SGCZ: variants seen among roughly 807,000 people sequenced by gnomAD.
SGCZ encodes zeta-sarcoglycan.
SGCZ carries 40 observed loss-of-function variants against 41.3 expected under a neutral mutation model. The observed-to-expected ratio is 0.97, with a 90% CI of 0.75 to 1.26. The LOEUF (loss-of-function observed/expected upper bound fraction) is 1.26, where lower values mean the gene tolerates loss of function less well. SGCZ is among the 50% of genes most tolerant of loss of function. The probability of loss-of-function intolerance (pLI) is 0.00; values close to 1 mark genes in which losing one functional copy is unlikely to be tolerated. For missense variants in SGCZ, 552 were observed against 369.8 expected (o/e 1.49, Z -4.04); for synonymous variants, 206 against 137.5 (o/e 1.50, Z -3.49).
chr8:15,189,803 C>T (rs530122), intron 1 of SGCZ, among the ~76,000 whole-genome samples: 3 of 152,120 alleles, frequency 2.0e-5, no homozygotes, highest in African/African-American at 4.8e-5. Flanking sequence ...TGACTGCCTT[C>T]GTTTCCCAAA....
chr8:14,156,320 C>G (rs559300245), intron 5 of SGCZ, among the ~76,000 whole-genome samples: 1 of 151,768 alleles, frequency 6.6e-6, no homozygotes, highest in Non-Finnish European at 1.5e-5. Context: ...GTTAGCCGGG[C>G]GTGGTGGTGG....
intron 1 of SGCZ, among the ~76,000 whole-genome samples, chr8:14,676,020 A>G (rs115300484): frequency 0.013 from 1,930 of 152,294 alleles, 37 homozygotes; most frequent in African/African-American, 0.031. Context: ...AGGTGCACGT[A>G]TTTGAGAAAA....
intron 4 of SGCZ, among the ~76,000 whole-genome samples, chr8:14,170,437 G>A (rs2116998434): frequency 6.6e-6 from 1 of 152,082 alleles, no homozygotes; most frequent in South Asian, 2.1e-4. Context: ...TATTAATAAA[G>A]GAATTGTGTG....
At chr8:14,738,357 A>G (rs58302176) in intron 1 of SGCZ, among the ~76,000 whole-genome samples, 1,775 of 152,034 alleles carry the variant, frequency 0.012, 24 homozygotes, top group Middle Eastern at 0.027. Flanking sequence ...GATCTAAACC[A>G]CTCTCAAAGA....
chr8:14,577,728 C>A (rs1029701628), intron 1 of SGCZ, among the ~76,000 whole-genome samples: 21 of 152,142 alleles, frequency 1.4e-4, no homozygotes, highest in Non-Finnish European at 1.6e-4. Context: ...CAACAATTGT[C>A]CTTCCAATCT....
At chr8:14,193,693 T>C (rs1463391479) in intron 4 of SGCZ, among the ~76,000 whole-genome samples, 1 of 152,010 alleles carries the variant, frequency 6.6e-6, no homozygotes, top group Non-Finnish European at 1.5e-5. Context: ...TATTCTGAAA[T>C]AGCATAAAGA....
intron 2 of SGCZ, among the ~76,000 whole-genome samples, chr8:14,429,730 T>C (rs1799889645): frequency 6.6e-6 from 1 of 152,148 alleles, no homozygotes; most frequent in Non-Finnish European, 1.5e-5. Context: ...TTCTACCATT[T>C]GATAGCTGTG....
chr8:14,493,104 C>T (rs1563365335), intron 2 of SGCZ, among the ~76,000 whole-genome samples: 1 of 151,970 alleles, frequency 6.6e-6, no homozygotes, highest in Non-Finnish European at 1.5e-5. Context: ...AATGCAAATA[C>T]AATTTGCATT....
intron 1 of SGCZ, among the ~76,000 whole-genome samples, chr8:14,695,627 A>G (rs1808934104): frequency 6.6e-6 from 1 of 152,040 alleles, no homozygotes; most frequent in African/African-American, 2.4e-5. Context: ...TTATAGTTAA[A>G]AGCTAAAGGT....
Position 14,277,347 on chromosome 8 carries a change from G to GTCTTC in SGCZ, c.337-39669_337-39668insGAAGA, listed in dbSNP as rs139196981. On this transcript the variant is annotated intron_variant, in intron 3 of 7. Coordinates refer to ENST00000382080, the MANE Select transcript of SGCZ (RefSeq NM_139167.4). ...CAATCCTGTCCCCTTTACATAGTAT[G>GTCTTC]CCTTCCTCTTTATCTGGTGAACTTC... 2.0e-5 allele frequency among the ~76,000 whole-genome samples: 3 copies of GTCTTC among 151,890 alleles called. No individual in the cohort carries two copies. The South Asian group carries it at 6.2e-4, about 32-fold the overall frequency.
chr8:14,289,834 AAAAG>A (rs1800778726), intron 3 of SGCZ, among the ~76,000 whole-genome samples: 2 of 151,922 alleles, frequency 1.3e-5, no homozygotes, highest in Admixed American at 6.6e-5. Flanking sequence ...AAAAAAAATA[AAAAG>A]AAAAGAAAAA....
chr8:14,764,110 G>A (rs1213690716), intron 1 of SGCZ, among the ~76,000 whole-genome samples: 1 of 152,128 alleles, frequency 6.6e-6, no homozygotes, highest in African/African-American at 2.4e-5. Flanking sequence ...CAAGACTAAT[G>A]GGAACATATC....
At chr8:14,200,532 C>CCAGTATGAG (rs1273537652) in intron 4 of SGCZ, among the ~76,000 whole-genome samples, 2 of 152,118 alleles carry the variant, frequency 1.3e-5, no homozygotes, top group South Asian at 2.1e-4. Flanking sequence ...GGTAGAGAGC[C>CCAGTATGAG]CAGTATGAGA....
At chr8:14,590,903 G>C (rs1218828714) in intron 1 of SGCZ, among the ~76,000 whole-genome samples, 1 of 148,638 alleles carries the variant, frequency 6.7e-6, no homozygotes, top group Non-Finnish European at 1.5e-5. Context: ...ATATTATAAA[G>C]TACATACACT....
intron 1 of SGCZ, among the ~76,000 whole-genome samples, chr8:14,772,789 G>GGT (rs1393937911): frequency 6.6e-6 from 1 of 151,910 alleles, no homozygotes; most frequent in African/African-American, 2.4e-5. Context: ...AGTATTCCAT[G>GGT]GTGTATATGT....
intron 1 of SGCZ, among the ~76,000 whole-genome samples, chr8:15,195,799 A>C (rs1475479777): frequency 6.6e-6 from 1 of 152,088 alleles, no homozygotes; most frequent in African/African-American, 2.4e-5. Flanking sequence ...CAAGTCATTT[A>C]AACTGTATGT....
At chr8:14,577,217 A>T (rs2117246624) in intron 1 of SGCZ, among the ~76,000 whole-genome samples, 1 of 152,266 alleles carries the variant, frequency 6.6e-6, no homozygotes, top group East Asian at 1.9e-4. Context: ...GTAACAATAG[A>T]TTACAATAGA....
Position 15,132,314 on chromosome 8 carries a change from G to A in SGCZ, c.39+105271C>T, listed in dbSNP as rs948141192. Among the ~76,000 whole-genome samples the A allele has an allele frequency of 7.2e-5, 11 of 152,162 alleles. 2 individuals carry two copies. The South Asian group carries it at 1.2e-3, about 17-fold the overall frequency. On this transcript the variant is annotated intron_variant, in intron 1 of 7. Transcript: ENST00000382080. The stretch of plus-strand genomic sequence containing the variant: ...CTGTAGACACTGTGTATGTAATGCC[G>A]GTTTGCCTGAGTCCACTGTCTTCAC...
At chr8:14,422,282 T>A (rs963461554) in intron 2 of SGCZ, among the ~76,000 whole-genome samples, 1 of 151,862 alleles carries the variant, frequency 6.6e-6, no homozygotes, top group African/African-American at 2.4e-5. Flanking sequence ...ATACAAGGAG[T>A]CTGGATCTTT....
Sources: allele counts gnomAD v4.1 joint callset (sites outside exome capture counted in the v4.1 genomes callset), GRCh38; gene constraint gnomAD v4.1.1; transcripts MANE v1.5; gene names NCBI Gene and HGNC (gene_info 2026-07-23, HGNC 2026-07-21).